CATSPERT: variants seen among roughly 807,000 people sequenced by gnomAD.
CATSPERT encodes catsper channel auxiliary subunit tau.
chr2:201,534,080 C>CTATCTATCTATA, the CATSPERT span, among the ~76,000 whole-genome samples: 10 of 147,886 alleles, frequency 6.8e-5, no homozygotes, highest in African/African-American at 2.3e-4. Flanking sequence ...ATCTATCTAT[C>CTATCTATCTATA]TATCTATCAA....
chr2:201,572,086 C>T, the CATSPERT span: 8 of 1,174,656 alleles, frequency 6.8e-6, no homozygotes, highest in Non-Finnish European at 1.0e-5. Context: ...ATTGTAATAC[C>T]ATACCATATT....
chr2:201,584,592 G>A, the CATSPERT span, among the ~76,000 whole-genome samples: 4 of 152,154 alleles, frequency 2.6e-5, no homozygotes, highest in East Asian at 5.8e-4. Flanking sequence ...AGACCAGCCT[G>A]ACCAACATGG....
the CATSPERT span, among the ~76,000 whole-genome samples, chr2:201,611,992 G>C: frequency 6.6e-6 from 1 of 152,152 alleles, no homozygotes; most frequent in African/African-American, 2.4e-5. Flanking sequence ...AATGAAAACA[G>C]GGGTAACTAA....
the CATSPERT span, among the ~76,000 whole-genome samples, chr2:201,489,767 G>A: frequency 1.2e-4 from 19 of 152,092 alleles, no homozygotes; most frequent in South Asian, 3.1e-3. Context: ...GAAGACCAGT[G>A]ATTCAGAAAA....
chr2:201,503,110 G>A, the CATSPERT span, among the ~76,000 whole-genome samples: 14 of 151,758 alleles, frequency 9.2e-5, no homozygotes, highest in South Asian at 4.2e-4. Context: ...CTTCTTGAAC[G>A]TATGAACTAT....
At chr2:201,535,784 T>C in the CATSPERT span, 9 of 1,360,778 alleles carry the variant, frequency 6.6e-6, no homozygotes, top group South Asian at 8.7e-5. Context: ...TTTTTTAAAA[T>C]AGATTATTTT....
At chr2:201,565,615 T>C in the CATSPERT span, 3 of 1,091,490 alleles carry the variant, frequency 2.7e-6, no homozygotes, top group Non-Finnish European at 2.4e-6. Flanking sequence ...TAATGAAAGT[T>C]TCTGAGCCTA....
At chr2:201,540,279 T>C in the CATSPERT span, among the ~76,000 whole-genome samples, 1 of 152,206 alleles carries the variant, frequency 6.6e-6, no homozygotes, top group Non-Finnish European at 1.5e-5. Flanking sequence ...AGCTAAGATA[T>C]TGATAAAAGT....
chr2:201,560,071 A>G, the CATSPERT span, among the ~76,000 whole-genome samples: 1 of 152,228 alleles, frequency 6.6e-6, no homozygotes, highest in Non-Finnish European at 1.5e-5. Flanking sequence ...TCAACAAATA[A>G]ATAGATATAA....
the CATSPERT span, among the ~76,000 whole-genome samples, chr2:201,612,345 G>T: frequency 6.6e-6 from 1 of 152,082 alleles, no homozygotes; most frequent in Non-Finnish European, 1.5e-5. Flanking sequence ...GAGGCCAGGT[G>T]GGTGGATCAC....
chr2:201,597,504 T>C, the CATSPERT span, among the ~76,000 whole-genome samples: 1 of 152,142 alleles, frequency 6.6e-6, no homozygotes, highest in East Asian at 1.9e-4. Flanking sequence ...CTTCTCCCTC[T>C]GCTCAGCGTC....
chr2:201,535,459 T>C, the CATSPERT span: 2 of 946,124 alleles, frequency 2.1e-6, no homozygotes, highest in African/African-American at 1.8e-5. Flanking sequence ...TTTTAAACTA[T>C]AAAATTATTT....
At chr2:201,593,960 A>G in the CATSPERT span, among the ~76,000 whole-genome samples, 20 of 151,832 alleles carry the variant, frequency 1.3e-4, no homozygotes, top group East Asian at 3.7e-3. Context: ...TTTTAATTGG[A>G]GCATTTAGTC....
chr2:201,513,727 C>T, the CATSPERT span, among the ~76,000 whole-genome samples: 130 of 152,302 alleles, frequency 8.5e-4, 1 homozygote, highest in Middle Eastern at 3.4e-3. Flanking sequence ...GGTACATACA[C>T]ACTATGGAAT....
At chr2:201,596,418 C>T in the CATSPERT span, among the ~76,000 whole-genome samples, 1 of 151,978 alleles carries the variant, frequency 6.6e-6, no homozygotes, top group Non-Finnish European at 1.5e-5. Context: ...CACAGTGGGG[C>T]CTATCAGAGG....
chr2:201,530,961 GTT>G, the CATSPERT span, among the ~76,000 whole-genome samples: 1 of 106,034 alleles, frequency 9.4e-6, no homozygotes, highest in Non-Finnish European at 1.9e-5. Context: ...TTTTTTGTGG[GTT>G]TTTTTTTTTT....
the CATSPERT span, among the ~76,000 whole-genome samples, chr2:201,596,378 G>A: frequency 1.3e-5 from 2 of 152,120 alleles, no homozygotes; most frequent in African/African-American, 4.8e-5. Context: ...TAAATGATTA[G>A]AACACATGGA....
chr2:201,496,044 G>C, the CATSPERT span: 1 of 978,210 alleles, frequency 1.0e-6, no homozygotes, highest in Non-Finnish European at 1.5e-6. Flanking sequence ...TCTTGCAATA[G>C]TTATTAGAGA....
chr2:201,525,491 C>G, the CATSPERT span, among the ~76,000 whole-genome samples: 1 of 152,132 alleles, frequency 6.6e-6, no homozygotes, highest in Non-Finnish European at 1.5e-5. Context: ...TAAATGCCCA[C>G]ATCAAAAGTT....
Sources: allele counts gnomAD v4.1 joint callset (sites outside exome capture counted in the v4.1 genomes callset), GRCh38; gene constraint gnomAD v4.1.1; transcripts MANE v1.5; gene names NCBI Gene and HGNC (gene_info 2026-07-23, HGNC 2026-07-21).